Variants in RXFP1 observed in about 807,000 individuals in gnomAD.
The protein encoded by RXFP1 is relaxin receptor 1.
A neutral mutation model predicts 89.8 loss-of-function variants in RXFP1; 73 were observed. That is an observed-to-expected ratio of 0.81 (90% CI 0.67 to 0.99). The LOEUF (loss-of-function observed/expected upper bound fraction) is 0.99, where lower values mean the gene tolerates loss of function less well. Among genes scored for constraint, RXFP1 ranks in the 50% least tolerant of loss-of-function variants. RXFP1 has a pLI of 0.00. For missense variants in RXFP1, 793 were observed against 895.5 expected (o/e 0.89, Z 1.46); for synonymous variants, 277 against 305.5 (o/e 0.91, Z 0.97).
chr4:158,559,513 T>C (rs1000114711), intron 1 of RXFP1, among the ~76,000 whole-genome samples: 3 of 152,198 alleles, frequency 2.0e-5, no homozygotes, highest in Non-Finnish European at 2.9e-5. Flanking sequence ...CCCCGCTGCA[T>C]TGATTCCCAA....
At chr4:158,523,519 C>A (rs1241804451) in intron 1 of RXFP1, among the ~76,000 whole-genome samples, 1 of 152,038 alleles carries the variant, frequency 6.6e-6, no homozygotes, top group Admixed American at 6.5e-5. Context: ...GATGATGATG[C>A]CAAAACCCTC....
At chr4:158,570,065 C>G (rs189639438) in intron 1 of RXFP1, among the ~76,000 whole-genome samples, 2 of 152,232 alleles carry the variant, frequency 1.3e-5, no homozygotes, top group South Asian at 2.1e-4. Context: ...AGCTTGGACA[C>G]TCAAACATTC....
At chr4:158,552,731 G>C (rs570603778) in intron 1 of RXFP1, among the ~76,000 whole-genome samples, 2 of 152,186 alleles carry the variant, frequency 1.3e-5, no homozygotes, top group African/African-American at 4.8e-5. Flanking sequence ...ACTATAAAAA[G>C]TTGGCAAGAG....
intron 3 of RXFP1, among the ~76,000 whole-genome samples, chr4:158,595,450 G>T (rs527845453): frequency 6.6e-6 from 1 of 151,822 alleles, no homozygotes; most frequent in Non-Finnish European, 1.5e-5. Flanking sequence ...TATCCTTTTC[G>T]TAAAACCATT....
intron 2 of RXFP1, chr4:158,573,152 G>GCA: frequency 5.2e-6 from 1 of 193,694 alleles, no homozygotes; most frequent in Non-Finnish European, 1.1e-5. Context: ...GGGACTACAG[G>GCA]TGCCCACCAT....
At chr4:158,589,127 G>A (rs1758868693) in intron 2 of RXFP1, among the ~76,000 whole-genome samples, 1 of 152,216 alleles carries the variant, frequency 6.6e-6, no homozygotes, top group African/African-American at 2.4e-5. Context: ...GCCAAACAAA[G>A]GGAGAAGCCC....
intron 1 of RXFP1, among the ~76,000 whole-genome samples, chr4:158,545,639 A>T (rs1748124977): frequency 6.6e-6 from 1 of 152,170 alleles, no homozygotes; most frequent in Admixed American, 6.5e-5. Flanking sequence ...GGGTGTAAGG[A>T]AGGGATCCAG....
rs781606387 is a variant in RXFP1, at chr4:158,648,512, C to T, written c.1770C>T (p.Ala590=). The T allele has an allele frequency of 2.4e-5, 38 of 1,590,316 alleles. No individual in the cohort carries two copies. In the Admixed American group the frequency reaches 4.7e-4, roughly 20 times the overall value. The change falls in exon 17 of 18, where the codon GCC becomes GCT. Residue 590 remains alanine, a synonymous_variant. Transcript: ENST00000307765. ...TATTCCAAATAGGTATTAATTTGGC[C>T]GCATTTATCATCATAGTTTTTTCCT... The part of the protein sequence containing the change: ...SVAIFLGINL[A]AFIIIVFSYG...
intron 1 of RXFP1, among the ~76,000 whole-genome samples, chr4:158,524,376 G>A (rs1741947966): frequency 6.6e-6 from 1 of 152,178 alleles, no homozygotes; most frequent in African/African-American, 2.4e-5. Flanking sequence ...ACCTATGCAT[G>A]CCAGAGCAGT....
At position 158,563,496 on chromosome 4, in the gene RXFP1, G is replaced by GCACACA. The variant is rs145181248; in HGVS notation, c.50-9166_50-9161dup. Among the ~76,000 whole-genome samples the GCACACA allele has an allele frequency of 2.0e-3, 282 of 142,496 alleles. 1 individual carries two copies. The highest frequency in any genetic ancestry group is 7.1e-3 in the African/African-American group (273 of 38,206). 93.5% of individuals were successfully genotyped at this position (142,496 alleles called of 152,430 possible). ...CAAATAATTCAAAGGAGAATTCAATGCACACACACACACACACACACACAC... is the reference window on the plus strand; with the variant it reads ...CAAATAATTCAAAGGAGAATTCAATGCACACACACACACACACACACACACACACAC... On this transcript the variant is annotated intron_variant, in intron 1 of 17. Transcript: ENST00000307765.
At chr4:158,628,083 A>C (rs1306562647) in intron 10 of RXFP1, among the ~76,000 whole-genome samples, 1 of 152,212 alleles carries the variant, frequency 6.6e-6, no homozygotes, top group African/African-American at 2.4e-5. Context: ...TTTAAAACTT[A>C]GTTCTGAGTT....
At chr4:158,634,198 T>G (rs1768676178) in intron 12 of RXFP1, among the ~76,000 whole-genome samples, 1 of 152,216 alleles carries the variant, frequency 6.6e-6, no homozygotes, top group Admixed American at 6.5e-5. Flanking sequence ...TTTTCTGTTT[T>G]TTTGATAATA....
At chr4:158,629,110 G>T (rs1297081530) in intron 11 of RXFP1, among the ~76,000 whole-genome samples, 1 of 151,720 alleles carries the variant, frequency 6.6e-6, no homozygotes, top group Non-Finnish European at 1.5e-5. Flanking sequence ...GAGTGCAGTG[G>T]CATGACCTCG....
intron 2 of RXFP1, among the ~76,000 whole-genome samples, chr4:158,584,537 T>C (rs981786043): frequency 2.0e-5 from 3 of 152,184 alleles, no homozygotes; most frequent in Non-Finnish European, 2.9e-5. Flanking sequence ...AACTATCACA[T>C]TTAGCCTTTC....
intron 1 of RXFP1, among the ~76,000 whole-genome samples, chr4:158,534,751 T>A (rs1744886992): frequency 6.6e-6 from 1 of 151,676 alleles, no homozygotes; most frequent in Admixed American, 6.6e-5. Context: ...GGCACATCAA[T>A]GCTTAGTCCA....
chr4:158,627,832 G>A (rs1453927716), intron 10 of RXFP1, among the ~76,000 whole-genome samples: 1 of 152,004 alleles, frequency 6.6e-6, no homozygotes, highest in Non-Finnish European at 1.5e-5. Flanking sequence ...TGCACCTGAA[G>A]GACACAGAAC....
intron 2 of RXFP1, among the ~76,000 whole-genome samples, chr4:158,581,295 G>A (rs1390248409): frequency 6.6e-6 from 1 of 152,100 alleles, no homozygotes; most frequent in African/African-American, 2.4e-5. Flanking sequence ...ATTACACAGG[G>A]AAGGAAAATG....
At chr4:158,553,125 GCTGCAGTGAGCT>G (rs1428919670) in intron 1 of RXFP1, among the ~76,000 whole-genome samples, 2 of 152,144 alleles carry the variant, frequency 1.3e-5, no homozygotes, top group African/African-American at 4.8e-5. Context: ...GGGGTTTGAG[GCTGCAGTGAGCT>G]CTGATCATGC....
rs556571314 is a variant in RXFP1, at chr4:158,560,584, G to T, written c.50-12114G>T. Among the ~76,000 whole-genome samples the T allele has an allele frequency of 2.0e-5, 3 of 152,290 alleles. No individual in the cohort carries two copies. In the East Asian group the frequency reaches 5.8e-4, roughly 29 times the overall value. On this transcript the variant is annotated intron_variant, in intron 1 of 17. Transcript: ENST00000307765. ...GACCCGGCATGGCCTAAACAAAGAA[G>T]CGTTTATTTTTCTCACCTAAAGAGG...
Sources: gnomAD v4.1 joint callset for allele counts (sites outside exome capture counted in the v4.1 genomes callset) on GRCh38, gnomAD v4.1.1 for gene constraint, MANE v1.5 for transcripts, NCBI Gene and HGNC (gene_info 2026-07-23, HGNC 2026-07-21) for gene names.